The following TSPAN9 variants were observed in gnomAD, a reference collection of about 807,000 sequenced individuals.
TSPAN9 encodes tetraspanin-9.
In TSPAN9, 16 loss-of-function variants were observed where a neutral mutation model predicts 31.0. That is an observed-to-expected ratio of 0.52 (90% CI 0.35 to 0.78). The LOEUF is 0.78. Among genes scored for constraint, TSPAN9 ranks in the 30% least tolerant of loss-of-function variants. The pLI, the probability that TSPAN9 is intolerant of heterozygous loss-of-function variation, is 0.01. For synonymous variants in TSPAN9, 145 were observed against 121.6 expected, an observed-to-expected ratio of 1.19 and a Z score of -1.27; for missense variants, 272 against 312.5, an observed-to-expected ratio of 0.87 and a Z score of 0.98.
intron 2 of TSPAN9, among the ~76,000 whole-genome samples, chr12:3,157,648 C>G (rs180850860): frequency 6.6e-6 from 1 of 152,312 alleles, no homozygotes; most frequent in Admixed American, 6.5e-5. Context: ...AACTAAGAAA[C>G]AGACCTACAG....
intron 3 of TSPAN9, among the ~76,000 whole-genome samples, chr12:3,207,529 G>A (rs1229611255): frequency 6.6e-6 from 1 of 152,150 alleles, no homozygotes; most frequent in Non-Finnish European, 1.5e-5. Flanking sequence ...TCGAGATGTG[G>A]CTTCTAACTC....
intron 2 of TSPAN9, among the ~76,000 whole-genome samples, chr12:3,140,153 G>A (rs1305334336): frequency 2.9e-4 from 2 of 6,980 alleles, no homozygotes; most frequent in Non-Finnish European, 0.02. Flanking sequence ...CGTGGACCTG[G>A]GCTATCTGTA....
chr12:3,146,054 A>G (rs2098337092), intron 2 of TSPAN9, among the ~76,000 whole-genome samples: 1 of 152,098 alleles, frequency 6.6e-6, no homozygotes, highest in Non-Finnish European at 1.5e-5. Flanking sequence ...ACGCTTTCCC[A>G]CTTTGAGGCT....
intron 2 of TSPAN9, among the ~76,000 whole-genome samples, chr12:3,152,494 T>C (rs751746661): frequency 6.6e-6 from 1 of 152,158 alleles, no homozygotes; most frequent in Non-Finnish European, 1.5e-5. Flanking sequence ...CAGTGAAACA[T>C]GTATTGAAAA....
intron 2 of TSPAN9, among the ~76,000 whole-genome samples, chr12:3,137,172 C>G (rs1207119088): frequency 2.6e-5 from 4 of 152,252 alleles, no homozygotes; most frequent in African/African-American, 9.6e-5. Context: ...CGTCTCCTCT[C>G]TGGGATGGGT....
intron 2 of TSPAN9, among the ~76,000 whole-genome samples, chr12:3,177,098 A>G (rs1335677974): frequency 6.6e-6 from 1 of 152,110 alleles, no homozygotes; most frequent in Non-Finnish European, 1.5e-5. Flanking sequence ...AGCCTTGTTT[A>G]AATAAAAAAA....
intron 2 of TSPAN9, among the ~76,000 whole-genome samples, chr12:3,109,099 C>A (rs577947662): frequency 1.2e-4 from 18 of 152,100 alleles, no homozygotes; most frequent in African/African-American, 4.3e-4. Flanking sequence ...CCACGCCCGG[C>A]TAATTTTTTG....
At chr12:3,127,726 A>G (rs961312209) in intron 2 of TSPAN9, among the ~76,000 whole-genome samples, 1 of 152,176 alleles carries the variant, frequency 6.6e-6, no homozygotes, top group Non-Finnish European at 1.5e-5. Context: ...AAATACATAA[A>G]CCAGTAACAT....
At chr12:3,205,731 A>G (rs1417983329) in intron 3 of TSPAN9, among the ~76,000 whole-genome samples, 1 of 137,718 alleles carries the variant, frequency 7.3e-6, no homozygotes, top group Non-Finnish European at 1.5e-5. Flanking sequence ...CCCCCCCCCC[A>G]GAGTGCTCAG....
chr12:3,174,274 C>T (rs1228418877), intron 2 of TSPAN9, among the ~76,000 whole-genome samples: 1 of 152,066 alleles, frequency 6.6e-6, no homozygotes, highest in African/African-American at 2.4e-5. Context: ...ACTATGTTGC[C>T]CAGGCTAGTC....
intron 3 of TSPAN9, among the ~76,000 whole-genome samples, chr12:3,240,332 G>A (rs373573226): frequency 2.9e-5 from 4 of 140,114 alleles, no homozygotes; most frequent in African/African-American, 1.1e-4. Flanking sequence ...GAGGCCAGGT[G>A]GGGGAGCAGC....
At chr12:3,174,878 G>A (rs185359100) in intron 2 of TSPAN9, among the ~76,000 whole-genome samples, 221 of 152,328 alleles carry the variant, frequency 1.5e-3, no homozygotes, top group South Asian at 7.3e-3. Flanking sequence ...CACCGCACCC[G>A]GCCTCAGCTG....
intron 3 of TSPAN9, among the ~76,000 whole-genome samples, chr12:3,255,339 C>A (rs1451057915): frequency 1.3e-5 from 2 of 152,234 alleles, no homozygotes; most frequent in Non-Finnish European, 2.9e-5. Context: ...CCCAGGCTGA[C>A]CTGGGTTTGA....
At chr12:3,215,198 A>G (rs2153974342) in intron 3 of TSPAN9, 1 of 152,330 alleles carries the variant, frequency 6.6e-6, no homozygotes, top group African/African-American at 2.4e-5. Flanking sequence ...ATCCAAACCA[A>G]GAGAAGGGTG....
rs1949210508 is a variant in TSPAN9, at chr12:3,201,193, C to T, written c.-1C>T. The T allele has an allele frequency of 6.2e-7, 1 of 1,614,030 alleles. No homozygotes were observed. The highest frequency in any genetic ancestry group is 1.7e-5 in the Admixed American group (1 of 60,008). On this transcript the variant is annotated 5_prime_UTR_variant, in exon 3 of 9. Coordinates refer to ENST00000011898, the MANE Select transcript of TSPAN9 (RefSeq NM_006675.5). ...TCCTCCTAGAATTTAAGAAGTGCAA[C>T]ATGGCCAGGGGCTGCCTCTGCTGCT... is the stretch of plus-strand genomic sequence containing the variant.
chr12:3,196,042 C>T (rs574869389), intron 2 of TSPAN9, among the ~76,000 whole-genome samples: 2 of 152,344 alleles, frequency 1.3e-5, no homozygotes, highest in East Asian at 1.9e-4. Flanking sequence ...TTGAGGCCCA[C>T]GCCTTGTCTT....
chr12:3,255,049 C>G (rs1338454443), intron 3 of TSPAN9, among the ~76,000 whole-genome samples: 1 of 152,208 alleles, frequency 6.6e-6, no homozygotes, highest in Non-Finnish European at 1.5e-5. Flanking sequence ...ACCCTGTGAG[C>G]TTCCTGCTGC....
chr12:3,222,893 C>T (rs1027639245), intron 3 of TSPAN9, among the ~76,000 whole-genome samples: 3 of 151,432 alleles, frequency 2.0e-5, no homozygotes, highest in Non-Finnish European at 2.9e-5. Flanking sequence ...GCGGAGATCC[C>T]GAGGGGGCCC....
At chr12:3,090,361 G>A (rs1470031467) in intron 2 of TSPAN9, among the ~76,000 whole-genome samples, 2 of 152,162 alleles carry the variant, frequency 1.3e-5, no homozygotes, top group Non-Finnish European at 2.9e-5. Context: ...TTTTGGGCTG[G>A]TCTCTGCAGT....
Sources: gnomAD v4.1 joint callset for allele counts (sites outside exome capture counted in the v4.1 genomes callset) on GRCh38, gnomAD v4.1.1 for gene constraint, MANE v1.5 for transcripts, NCBI Gene and HGNC (gene_info 2026-07-23, HGNC 2026-07-21) for gene names.